Variants in CFAP47 observed in about 807,000 individuals in gnomAD.
The protein encoded by CFAP47 is cilia- and flagella-associated protein 47.
A neutral mutation model predicts 148.1 loss-of-function variants in CFAP47; 29 were observed. That is an observed-to-expected ratio of 0.20 (90% confidence interval 0.15 to 0.27). The LOEUF (loss-of-function observed/expected upper bound fraction) is 0.27, where lower values mean the gene tolerates loss of function less well. Among genes scored for constraint, CFAP47 ranks in the 10% least tolerant of loss-of-function variants. CFAP47 has a pLI of 1.00. For synonymous variants in CFAP47, 664 were observed against 577.3 expected, an observed-to-expected ratio of 1.15 and a Z score of -2.15; for missense variants, 1,872 against 1,697.5, an observed-to-expected ratio of 1.10 and a Z score of -1.81.
At chrX:36,281,290 G>A (rs908646323) in intron 50 of CFAP47, among the ~76,000 whole-genome samples, 21 of 112,477 alleles carry the variant, frequency 1.9e-4, no homozygotes, top group South Asian at 7.3e-4. Context: ...GAATGAATTC[G>A]TATTAGATAG....
intron 39 of CFAP47, among the ~76,000 whole-genome samples, chrX:36,165,822 A>G (rs1939482645): frequency 9.0e-6 from 1 of 110,999 alleles, no homozygotes; most frequent in Admixed American, 9.7e-5. Context: ...TTTTCTGTGA[A>G]TGTATATCCC....
At chrX:36,065,451 A>T (rs1937628664) in intron 26 of CFAP47, among the ~76,000 whole-genome samples, 192 bp from the exon 27 acceptor site, 1 of 112,153 alleles carries the variant, frequency 8.9e-6, no homozygotes, top group African/African-American at 3.2e-5. Context: ...TATACTATCT[A>T]TTAAAATCTT....
At chrX:36,110,989 A>G (rs943014547) in intron 33 of CFAP47, among the ~76,000 whole-genome samples, 9 of 111,869 alleles carry the variant, frequency 8.0e-5, no homozygotes, top group Non-Finnish European at 1.5e-4. Context: ...GTTTATCAGC[A>G]TAAGGAGTTT....
chrX:36,211,795 A>G (rs1555989554), intron 45 of CFAP47, among the ~76,000 whole-genome samples: 1 of 111,320 alleles, frequency 9.0e-6, no homozygotes, highest in African/African-American at 3.3e-5. Context: ...CCCCCTGTAC[A>G]CAACTCCCTT....
chrX:36,219,877 C>A (rs1940196448), intron 45 of CFAP47, among the ~76,000 whole-genome samples: 1 of 111,541 alleles, frequency 9.0e-6, no homozygotes, highest in Non-Finnish European at 1.9e-5. Context: ...CCCCGACCAC[C>A]TTGAGCACAT....
intron 1 of CFAP47, among the ~76,000 whole-genome samples, chrX:35,921,938 A>G (rs1185030439): frequency 1.8e-5 from 2 of 111,863 alleles, no homozygotes; most frequent in East Asian, 5.6e-4. Flanking sequence ...TGTATTGAAT[A>G]CCCACTATGT....
At chrX:35,992,703 G>T (rs1013199324) in intron 17 of CFAP47, among the ~76,000 whole-genome samples, 4 of 111,075 alleles carry the variant, frequency 3.6e-5, no homozygotes, top group African/African-American at 9.8e-5. Context: ...ATAAATAATT[G>T]ATAAGTTACT....
intron 2 of CFAP47, among the ~76,000 whole-genome samples, chrX:35,933,377 A>T (rs1431489407): frequency 2.7e-5 from 3 of 111,555 alleles, no homozygotes; most frequent in Non-Finnish European, 5.6e-5. Context: ...CTCCAGTTAC[A>T]TCTATGTGTA....
chrX:35,940,867 T>G (rs757104637), intron 2 of CFAP47, among the ~76,000 whole-genome samples: 4 of 111,713 alleles, frequency 3.6e-5, no homozygotes, highest in Non-Finnish European at 7.5e-5. Flanking sequence ...ATGCTACAAA[T>G]ATGCTACAGT....
intron 15 of CFAP47, among the ~76,000 whole-genome samples, chrX:35,986,341 T>C (rs988489963): frequency 9.1e-6 from 1 of 109,387 alleles, no homozygotes; most frequent in African/African-American, 3.3e-5. Flanking sequence ...TGTTCGTACT[T>C]TATTTTATTA....
chrX:36,185,907 A>G (rs1939801712), intron 40 of CFAP47, among the ~76,000 whole-genome samples: 1 of 111,593 alleles, frequency 9.0e-6, no homozygotes, highest in Non-Finnish European at 1.9e-5. Flanking sequence ...GTAAAGCTTA[A>G]TTACCCCCTT....
intron 45 of CFAP47, among the ~76,000 whole-genome samples, chrX:36,208,215 CA>C (rs1555989014): frequency 1.8e-5 from 2 of 111,856 alleles, no homozygotes; most frequent in Non-Finnish European, 3.8e-5. Flanking sequence ...TAATAATTAG[CA>C]GTTAAATTGG....
chrX:36,054,860 C>T (rs1332557837), intron 26 of CFAP47, among the ~76,000 whole-genome samples: 1 of 110,391 alleles, frequency 9.1e-6, no homozygotes, highest in African/African-American at 3.3e-5. Flanking sequence ...GCAAGTTCCG[C>T]CTCCCGGGTT....
chrX:36,184,032 G>A (rs894488715), intron 40 of CFAP47, among the ~76,000 whole-genome samples: 6 of 110,383 alleles, frequency 5.4e-5, no homozygotes, highest in Admixed American at 9.7e-5. Flanking sequence ...TCTGGCCCTC[G>A]AGGAACCAAT....
intron 37 of CFAP47, among the ~76,000 whole-genome samples, chrX:36,149,701 T>C (rs899918763): frequency 4.6e-5 from 5 of 108,546 alleles, no homozygotes; most frequent in Admixed American, 1.0e-4. Context: ...CTCTGCCTCC[T>C]GGGTTCAAGC....
At chrX:36,166,512 C>T (rs1258839221) in intron 39 of CFAP47, among the ~76,000 whole-genome samples, 1 of 110,873 alleles carries the variant, frequency 9.0e-6, no homozygotes, top group Non-Finnish European at 1.9e-5. Context: ...ATCATGCTTT[C>T]CTTTACTTCT....
At chrX:36,359,097 C>CTGAA (rs1182236131) in intron 60 of CFAP47, among the ~76,000 whole-genome samples, 2 of 111,912 alleles carry the variant, frequency 1.8e-5, no homozygotes, top group African/African-American at 3.3e-5. Flanking sequence ...TTAATATTTG[C>CTGAA]TGAATGAATA....
rs931478179 is a variant in CFAP47, at chrX:36,145,079, G to A, written c.5536-140G>A. 1.4e-4 allele frequency: 25 copies of A among 178,815 alleles called. No homozygotes were observed. The East Asian group carries it at 2.0e-3, about 14-fold the overall frequency. The allele number at this position is 178,815 out of a possible 1,213,427, so 14.7% of individuals were successfully genotyped here. A position where few individuals can be genotyped will look rare whatever the true frequency, so the allele number is the denominator to read the frequency against. On this transcript the variant is annotated intron_variant, in intron 35 of 63. Transcript: ENST00000378653. ...TTCCCGTTTATATATATATATGCGT[G>A]TGTGTGTGTGTGTGTGTGTGTGTGT...
chrX:36,373,558 G>A (rs903312074), intron 62 of CFAP47, among the ~76,000 whole-genome samples: 15 of 111,142 alleles, frequency 1.3e-4, no homozygotes, highest in Admixed American at 1.2e-3. Flanking sequence ...TGATTTGGGT[G>A]CCTTTTATTT....
Sources: allele counts gnomAD v4.1 joint callset (sites outside exome capture counted in the v4.1 genomes callset), GRCh38; gene constraint gnomAD v4.1.1; transcripts MANE v1.5; gene names NCBI Gene and HGNC (gene_info 2026-07-23, HGNC 2026-07-21).